FARS2: variants seen among roughly 807,000 people sequenced by gnomAD.
FARS2 encodes phenylalanine--tRNA ligase, mitochondrial.
Under a neutral mutation model 46.4 loss-of-function variants are expected in FARS2, and 40 were observed. The ratio of observed to expected loss-of-function variants is 0.86; its 90% CI spans 0.67 to 1.12. FARS2 has a LOEUF of 1.12. FARS2 is among the 50% of genes most tolerant of loss of function. The probability of loss-of-function intolerance (pLI) is 0.00; values close to 1 mark genes in which losing one functional copy is unlikely to be tolerated. For synonymous variants in FARS2, 234 were observed against 214.9 expected, an observed-to-expected ratio of 1.09 and a Z score of -0.78; for missense variants, 513 against 567.9, an observed-to-expected ratio of 0.90 and a Z score of 0.98.
intron 1 of FARS2, among the ~76,000 whole-genome samples, chr6:5,281,631 C>G (rs974749363): frequency 6.6e-6 from 1 of 151,354 alleles, no homozygotes; most frequent in Non-Finnish European, 1.5e-5. Flanking sequence ...ATTCTCCCAC[C>G]CCCCCTGCCC....
chr6:5,567,026 C>T (rs762733632), intron 5 of FARS2, among the ~76,000 whole-genome samples: 16 of 152,214 alleles, frequency 1.1e-4, no homozygotes, highest in Non-Finnish European at 1.9e-4. Context: ...GGGCGTAGGC[C>T]GAACCAACTT....
chr6:5,444,590 T>C (rs1459461659), intron 4 of FARS2, among the ~76,000 whole-genome samples: 1 of 151,548 alleles, frequency 6.6e-6, no homozygotes, highest in African/African-American at 2.4e-5. Context: ...GAATGTAAGC[T>C]TCATTAGGGC....
chr6:5,457,807 C>T (rs533214898), intron 4 of FARS2: 2 of 152,266 alleles, frequency 1.3e-5, no homozygotes, highest in East Asian at 3.9e-4. Context: ...TCAACCAAGG[C>T]TATAAATCCA....
At chr6:5,404,467 AG>A in intron 2 of FARS2, 74 bp from the exon 3 acceptor site, 1 of 977,216 alleles carries the variant, frequency 1.0e-6, no homozygotes, top group South Asian at 2.4e-5. Context: ...AAAGATTCTT[AG>A]CAGAATTTTA....
At chr6:5,461,137 C>A (rs1765218428) in intron 4 of FARS2, among the ~76,000 whole-genome samples, 1 of 151,880 alleles carries the variant, frequency 6.6e-6, no homozygotes, top group South Asian at 2.1e-4. Flanking sequence ...CTCCCAGGCT[C>A]AAGCAGTCCT....
chr6:5,254,137 G>A, the FARS2 span, among the ~76,000 whole-genome samples: 2 of 152,188 alleles, frequency 1.3e-5, no homozygotes, highest in Non-Finnish European at 2.9e-5. Context: ...AAACGGCAAT[G>A]CCTGCAGCCA....
intron 5 of FARS2, among the ~76,000 whole-genome samples, chr6:5,566,302 G>A (rs1196253482): frequency 6.6e-6 from 1 of 151,872 alleles, no homozygotes; most frequent in African/African-American, 2.4e-5. Context: ...ACTACTATCA[G>A]CCATCCCTTA....
intron 2 of FARS2, among the ~76,000 whole-genome samples, chr6:5,372,251 G>GA (rs1759107405): frequency 6.6e-6 from 1 of 152,134 alleles, no homozygotes; most frequent in Non-Finnish European, 1.5e-5. Flanking sequence ...AAGTTAAAAT[G>GA]TGTAAAGATA....
At chr6:5,706,680 G>C (rs1209046586) in intron 6 of FARS2, among the ~76,000 whole-genome samples, 1 of 152,192 alleles carries the variant, frequency 6.6e-6, no homozygotes, top group Non-Finnish European at 1.5e-5. Context: ...AGCCAGCTGC[G>C]AATCACTGGC....
chr6:5,454,689 A>C (rs1373911269), intron 4 of FARS2, among the ~76,000 whole-genome samples: 1 of 152,108 alleles, frequency 6.6e-6, no homozygotes, highest in East Asian at 1.9e-4. Flanking sequence ...CTCGGTCCCG[A>C]TAATCTCCGT....
At chr6:5,728,324 G>A (rs1317915831) in intron 6 of FARS2, among the ~76,000 whole-genome samples, 1 of 152,022 alleles carries the variant, frequency 6.6e-6, no homozygotes, top group Non-Finnish European at 1.5e-5. Context: ...CTTTCACTCA[G>A]TGACATTTGG....
chr6:5,750,980 A>C (rs548854531), intron 6 of FARS2, among the ~76,000 whole-genome samples: 1 of 152,144 alleles, frequency 6.6e-6, no homozygotes, highest in South Asian at 2.1e-4. Context: ...CCATTTTCCC[A>C]TGCTAAGGTG....
At chr6:5,712,863 GTTACGAATGC>G (rs1203839755) in intron 6 of FARS2, among the ~76,000 whole-genome samples, 1 of 152,206 alleles carries the variant, frequency 6.6e-6, no homozygotes, top group Non-Finnish European at 1.5e-5. Context: ...AGAGGAACCT[GTTACGAATGC>G]TTAGTCCTGG....
At chr6:5,753,826 T>C in intron 6 of FARS2, among the ~76,000 whole-genome samples, 1 of 152,170 alleles carries the variant, frequency 6.6e-6, no homozygotes, top group Non-Finnish European at 1.5e-5. Context: ...TAATGAAAAG[T>C]GGCAGTCCAG....
intron 6 of FARS2, among the ~76,000 whole-genome samples, chr6:5,701,382 G>A (rs1351934458): frequency 2.6e-5 from 4 of 152,228 alleles, no homozygotes; most frequent in African/African-American, 7.2e-5. Flanking sequence ...GTCTGGAGGC[G>A]TGGGGCGTGT....
At chr6:5,457,349 A>G (rs781767136) in intron 4 of FARS2, among the ~76,000 whole-genome samples, 2 of 152,138 alleles carry the variant, frequency 1.3e-5, no homozygotes, top group African/African-American at 2.4e-5. Flanking sequence ...GGGATCAGAG[A>G]TTATTTCTTC....
rs1161597902 is a variant in FARS2, at chr6:5,426,624, A to T, written c.773-4417A>T. Reference sequence around the variant, plus strand: ...TCTCTGTTAATGTGTCAATGTAACAATTAATTAATTTATTTATTTGAGACT... The same window carrying T: ...TCTCTGTTAATGTGTCAATGTAACATTTAATTAATTTATTTATTTGAGACT... On this transcript the variant is annotated intron_variant, in intron 3 of 6. Coordinates refer to ENST00000274680, the MANE Select transcript of FARS2 (RefSeq NM_006567.5). Among the ~76,000 whole-genome samples, 4 of 152,290 alleles carry T rather than the reference A, an allele frequency of 2.6e-5. No homozygotes were observed. In the South Asian group the frequency reaches 8.3e-4, roughly 32 times the overall value.
At chr6:5,506,566 G>A (rs1768110951) in intron 4 of FARS2, among the ~76,000 whole-genome samples, 1 of 152,096 alleles carries the variant, frequency 6.6e-6, no homozygotes, top group African/African-American at 2.4e-5. Flanking sequence ...AGCTTCCCTG[G>A]TTTGTCTCTA....
chr6:5,413,092 G>A (rs953165562), intron 3 of FARS2, among the ~76,000 whole-genome samples: 2 of 152,198 alleles, frequency 1.3e-5, no homozygotes, highest in Admixed American at 6.5e-5. Context: ...GATGTCTAGT[G>A]AAGTGGGAAA....
Sources: gnomAD v4.1 joint callset for allele counts (sites outside exome capture counted in the v4.1 genomes callset) on GRCh38, gnomAD v4.1.1 for gene constraint, MANE v1.5 for transcripts, NCBI Gene and HGNC (gene_info 2026-07-23, HGNC 2026-07-21) for gene names.